TRAK1: variants seen among roughly 807,000 people sequenced by gnomAD.
TRAK1 encodes the protein trafficking kinesin-binding protein 1.
A neutral mutation model predicts 92.1 loss-of-function variants in TRAK1; 33 were observed. The observed-to-expected ratio is 0.36, with a 90% CI of 0.27 to 0.48. The LOEUF is 0.48. Ranked by LOEUF, TRAK1 falls within the 20% of genes least tolerant of loss-of-function variation. TRAK1 has a pLI of 0.99. For synonymous variants in TRAK1, 521 were observed against 517.3 expected (o/e 1.01, Z -0.10); for missense variants, 1,123 against 1,257.9 (o/e 0.89, Z 1.62).
At chr3:42,064,869 G>A (rs888490877) in intron 1 of TRAK1, among the ~76,000 whole-genome samples, 1 of 151,998 alleles carries the variant, frequency 6.6e-6, no homozygotes. Context: ...TGGCTGACAC[G>A]GTGAAACCCT....
chr3:42,077,745 A>C (rs1235883591), intron 1 of TRAK1, among the ~76,000 whole-genome samples: 4 of 152,112 alleles, frequency 2.6e-5, no homozygotes, highest in Non-Finnish European at 5.9e-5. Context: ...TTTGGCTTTC[A>C]ACTTGGACAT....
At chr3:42,038,800 A>AG (rs1411600045) in intron 1 of TRAK1, among the ~76,000 whole-genome samples, 1 of 145,496 alleles carries the variant, frequency 6.9e-6, no homozygotes, top group South Asian at 2.1e-4. Context: ...AAAAAAAAAA[A>AG]AAGTTTTTTT....
intron 3 of TRAK1, among the ~76,000 whole-genome samples, chr3:42,183,029 A>G (rs1170086943): frequency 6.6e-6 from 1 of 152,190 alleles, no homozygotes; most frequent in Non-Finnish European, 1.5e-5. Context: ...GAGCAGTTCA[A>G]TTTGTGACCA....
At chr3:42,203,998 C>T in intron 13 of TRAK1, 1 of 985,752 alleles carries the variant, frequency 1.0e-6, no homozygotes, top group African/African-American at 1.7e-5. Flanking sequence ...GTTCCACAGT[C>T]TCCAAAGGAA....
At chr3:42,153,539 T>A (rs551937479) in intron 2 of TRAK1, among the ~76,000 whole-genome samples, 1 of 152,264 alleles carries the variant, frequency 6.6e-6, no homozygotes, top group African/African-American at 2.4e-5. Context: ...TAGATTTGAA[T>A]GTTGGGGTAG....
intron 2 of TRAK1, among the ~76,000 whole-genome samples, chr3:42,165,855 C>T (rs962576714): frequency 7.9e-5 from 12 of 152,090 alleles, no homozygotes; most frequent in African/African-American, 2.9e-4. Context: ...CCTGTGGGGT[C>T]AGTCTCTCTG....
chr3:42,127,602 C>T (rs1710759930), intron 2 of TRAK1, among the ~76,000 whole-genome samples: 1 of 152,100 alleles, frequency 6.6e-6, no homozygotes, highest in Non-Finnish European at 1.5e-5. Context: ...CTCAAACAAT[C>T]CTCCTGCTTC....
chr3:42,120,698 C>T lies in TRAK1; in HGVS notation c.92-4722C>T, dbSNP rs553671611. On this transcript the variant is annotated intron_variant, in intron 1 of 15. Transcript: ENST00000327628. ...AAGTAGCTGGGTTTACAGGCGCATG[C>T]CACCACACCCACCTAATTTTTGTAT... Among the ~76,000 whole-genome samples the T allele has an allele frequency of 7.9e-5, 12 of 152,286 alleles. No individual in the cohort carries two copies. The East Asian group carries it at 2.1e-3, about 27-fold the overall frequency.
intron 14 of TRAK1, chr3:42,218,353 TTCATGGCCTTTGAATCC>T (rs1489361005): frequency 6.1e-6 from 6 of 984,844 alleles, no homozygotes; most frequent in Non-Finnish European, 7.2e-6. Flanking sequence ...CTTTTGAATC[TTCATGGCCTTTGAATCC>T]TCATGGCCTC....
chr3:42,131,244 C>G (rs1288352647), intron 2 of TRAK1, among the ~76,000 whole-genome samples: 1 of 152,158 alleles, frequency 6.6e-6, no homozygotes, highest in Non-Finnish European at 1.5e-5. Flanking sequence ...AGGGCCGACA[C>G]AGTGGTCGCT....
At chr3:42,025,628 G>T (rs1376937355) in intron 1 of TRAK1, among the ~76,000 whole-genome samples, 12 of 151,050 alleles carry the variant, frequency 7.9e-5, no homozygotes, top group Non-Finnish European at 1.8e-4. Context: ...ATGAGAAGGG[G>T]TGGTTTCTGG....
chr3:42,132,922 A>C (rs543754129), intron 2 of TRAK1, among the ~76,000 whole-genome samples: 27 of 152,312 alleles, frequency 1.8e-4, no homozygotes, highest in African/African-American at 5.8e-4. Flanking sequence ...GTCTTAATAA[A>C]TACAACGTGG....
At chr3:42,205,855 T>C (rs552742795) in intron 13 of TRAK1, among the ~76,000 whole-genome samples, 1 of 152,356 alleles carries the variant, frequency 6.6e-6, no homozygotes, top group East Asian at 1.9e-4. Flanking sequence ...ACCATAGTCA[T>C]GTTTTCCCCA....
At chr3:42,139,690 C>T (rs1388849467) in intron 2 of TRAK1, among the ~76,000 whole-genome samples, 1 of 151,974 alleles carries the variant, frequency 6.6e-6, no homozygotes, top group Non-Finnish European at 1.5e-5. Context: ...TTATTTTTTT[C>T]TTTTTAAGAA....
intron 1 of TRAK1, among the ~76,000 whole-genome samples, chr3:42,096,552 C>G (rs1020673249): frequency 2.6e-5 from 4 of 152,180 alleles, no homozygotes; most frequent in Admixed American, 2.6e-4. Flanking sequence ...CCGCGCATGG[C>G]CAAACACATA....
At chr3:42,171,077 A>T (rs142168993) in intron 2 of TRAK1, among the ~76,000 whole-genome samples, 3 of 152,124 alleles carry the variant, frequency 2.0e-5, no homozygotes, top group African/African-American at 7.2e-5. Flanking sequence ...GGCCTCCCAA[A>T]GTGCTGGGAT....
chr3:42,056,152 C>CT (rs1008363461), intron 1 of TRAK1, among the ~76,000 whole-genome samples: 3 of 152,006 alleles, frequency 2.0e-5, no homozygotes, highest in Admixed American at 6.6e-5. Context: ...CATCTGTAGA[C>CT]TTTTTTTTAT....
At chr3:42,169,224 G>A (rs1448055552) in intron 2 of TRAK1, among the ~76,000 whole-genome samples, 1 of 150,880 alleles carries the variant, frequency 6.6e-6, no homozygotes, top group Admixed American at 6.6e-5. Flanking sequence ...CATACAATAT[G>A]TGGTATTTTC....
At chr3:42,154,989 C>T (rs1700386736) in intron 2 of TRAK1, among the ~76,000 whole-genome samples, 1 of 151,936 alleles carries the variant, frequency 6.6e-6, no homozygotes. Context: ...CTTTATGCCT[C>T]TACCCTGCTT....
Sources: gnomAD v4.1 joint callset for allele counts (sites outside exome capture counted in the v4.1 genomes callset) on GRCh38, gnomAD v4.1.1 for gene constraint, MANE v1.5 for transcripts, NCBI Gene and HGNC (gene_info 2026-07-23, HGNC 2026-07-21) for gene names.